The following COL14A1 variants were observed in gnomAD, a reference collection of about 807,000 sequenced individuals.
COL14A1 encodes the protein collagen alpha-1(XIV) chain.
A neutral mutation model predicts 230.3 loss-of-function variants in COL14A1; 136 were observed. That is an observed-to-expected ratio of 0.59 (90% CI 0.51 to 0.68). COL14A1 has a LOEUF of 0.68. Ranked by LOEUF, COL14A1 falls within the 30% of genes least tolerant of loss-of-function variation. The probability of loss-of-function intolerance (pLI) is 0.00; values close to 1 mark genes in which losing one functional copy is unlikely to be tolerated. For missense variants in COL14A1, 1,976 were observed against 2,215.8 expected, an observed-to-expected ratio of 0.89 and a Z score of 2.17; for synonymous variants, 792 against 784.1, an observed-to-expected ratio of 1.01 and a Z score of -0.17.
rs1349120832 is a variant in COL14A1, at chr8:120,247,971, A to T, written c.2602+236A>T. ...TAAAAAACTACTGGGCACATCAATT[A>T]GAAGACTATATATTGGGTATATACA... is the stretch of plus-strand genomic sequence containing the variant. On this transcript the variant is annotated intron_variant, in intron 21 of 47. Coordinates refer to ENST00000297848, the MANE Select transcript of COL14A1 (RefSeq NM_021110.4). Among the ~76,000 whole-genome samples the T allele has an allele frequency of 2.0e-5, 3 of 152,188 alleles. No homozygotes were observed. The East Asian group carries it at 5.8e-4, about 29-fold the overall frequency.
intron 2 of COL14A1, among the ~76,000 whole-genome samples, chr8:120,151,694 T>TG (rs1815291266): frequency 6.7e-6 from 1 of 149,856 alleles, no homozygotes; most frequent in Admixed American, 6.7e-5. Context: ...ATAATGTACC[T>TG]GCAAAGATAT....
At chr8:120,239,029 G>T (rs1818538577) in intron 19 of COL14A1, among the ~76,000 whole-genome samples, 1 of 152,210 alleles carries the variant, frequency 6.6e-6, no homozygotes, top group Non-Finnish European at 1.5e-5. Flanking sequence ...ACTGGGAGCT[G>T]CAGACCAGAG....
chr8:120,137,082 C>A (rs904669865), intron 1 of COL14A1, among the ~76,000 whole-genome samples: 23 of 151,422 alleles, frequency 1.5e-4, no homozygotes, highest in Admixed American at 5.3e-4. Flanking sequence ...GCTAGTGAAG[C>A]CATCTGGGAC....
At chr8:120,276,931 C>T (rs1819872670) in intron 26 of COL14A1, among the ~76,000 whole-genome samples, 1 of 151,952 alleles carries the variant, frequency 6.6e-6, no homozygotes. Flanking sequence ...CTTTGAATTG[C>T]AGGAGACTTT....
intron 44 of COL14A1, among the ~76,000 whole-genome samples, chr8:120,344,000 A>G (rs567638635): frequency 3.3e-5 from 5 of 152,224 alleles, no homozygotes; most frequent in South Asian, 2.1e-4. Context: ...TATTTAAAGC[A>G]TGCCCTAAAA....
chr8:120,159,515 G>A (rs995633303), intron 3 of COL14A1, among the ~76,000 whole-genome samples: 1 of 151,912 alleles, frequency 6.6e-6, no homozygotes, highest in Admixed American at 6.6e-5. Flanking sequence ...GGAGCTACAA[G>A]CCTTTCAGTG....
chr8:120,160,111 C>T lies in COL14A1; in HGVS notation c.205+1865C>T, dbSNP rs188463836. Among the ~76,000 whole-genome samples, 513 of 152,244 alleles carry T rather than the reference C, an allele frequency of 3.4e-3. 2 individuals are homozygous for T. The highest frequency in any genetic ancestry group is 0.012 in the African/African-American group (487 of 41,552). ...ACAGAAGTGACTTGCTTATGGAAAA[C>T]AATATTTGCAAACCTTGTTCAGAGT... On this transcript the variant is annotated intron_variant, in intron 3 of 47. Coordinates refer to ENST00000297848, the MANE Select transcript of COL14A1 (RefSeq NM_021110.4).
At chr8:120,195,520 C>T (rs1186886714) in intron 5 of COL14A1, among the ~76,000 whole-genome samples, 3 of 152,030 alleles carry the variant, frequency 2.0e-5, no homozygotes, top group South Asian at 2.1e-4. Context: ...TCTGTTCTCA[C>T]GCTGCTAATA....
rs571382177 is a variant in COL14A1, at chr8:120,275,982, A to G, written c.3214-2129A>G. On this transcript the variant is annotated intron_variant, in intron 26 of 47. Transcript: ENST00000297848. The stretch of plus-strand genomic sequence containing the variant: ...GGTTCCAGCAATCCCAGTACTGGCT[A>G]TCTACCCAAAGGAAAAGAAGTCATT... Among the ~76,000 whole-genome samples the G allele has an allele frequency of 1.7e-3, 259 of 152,102 alleles. 2 individuals are homozygous for G. Among genetic ancestry groups the G allele is most frequent in the African/African-American group, 6.0e-3 (251 of 41,520 alleles).
Position 120,342,436 on chromosome 8 carries a change from G to C in COL14A1, c.4878G>C (p.Gln1626His), listed in dbSNP as rs773822543. 1.9e-6 allele frequency: 3 copies of C among 1,613,736 alleles called. No individual in the cohort carries two copies. The highest frequency in any genetic ancestry group is 2.2e-5 in the South Asian group (2 of 91,076). Residue 1626 changes from glutamine to histidine, a missense_variant, in exon 44 of 48, where the codon CAG becomes CAC. Gln to His is a conservative substitution (Grantham distance 24). Around this residue, in one of 3 missense-constraint regions of COL14A1, gnomAD observed 1,791 missense variants for 2,019.5 expected, o/e 0.89. Transcript: ENST00000297848. The stretch of plus-strand genomic sequence containing the variant: ...CAGTGGCGCGTCAAGTATGCGAACA[G>C]CTCATCCAGAGTAAGTATGTAATGG... ...VRSVARQVCE[Q>H]LIQSHMARYT...
chr8:120,151,513 G>A (rs976404660), intron 2 of COL14A1, among the ~76,000 whole-genome samples: 2 of 151,692 alleles, frequency 1.3e-5, no homozygotes, highest in African/African-American at 2.4e-5. Flanking sequence ...GATGGTGCGC[G>A]CCTGTAGTCC....
chr8:120,364,212 A>G (rs1823325783), intron 45 of COL14A1, among the ~76,000 whole-genome samples: 1 of 152,084 alleles, frequency 6.6e-6, no homozygotes, highest in Non-Finnish European at 1.5e-5. Flanking sequence ...ATGGGCCATG[A>G]CTGGGTTTTG....
rs750232244 is a variant in COL14A1, at chr8:120,231,437, T to A, written c.2198-30T>A. 1.0e-5 allele frequency: 16 copies of A among 1,606,252 alleles called. No homozygotes were observed. The East Asian group carries it at 3.3e-4, about 34-fold the overall frequency. On this transcript the variant is annotated intron_variant, in intron 18 of 47. Transcript: ENST00000297848. ...ATTTTGGAATATGATATGTTAAAAGTTTTTTAATCCTTGGTTGTGTTTATT... is the reference window on the plus strand; with the variant it reads ...ATTTTGGAATATGATATGTTAAAAGATTTTTAATCCTTGGTTGTGTTTATT...
intron 22 of COL14A1, among the ~76,000 whole-genome samples, chr8:120,254,182 G>A (rs1260028757): frequency 6.6e-6 from 1 of 152,088 alleles, no homozygotes; most frequent in African/African-American, 2.4e-5. Flanking sequence ...ATGAATGGAA[G>A]TCAGAGGTCA....
chr8:120,167,126 T>G (rs1815925801), intron 4 of COL14A1, among the ~76,000 whole-genome samples: 1 of 152,052 alleles, frequency 6.6e-6, no homozygotes, highest in Non-Finnish European at 1.5e-5. Context: ...GGAAGGTTTC[T>G]AAGAAAAGGA....
At chr8:120,312,058 C>T (rs1479775704) in intron 37 of COL14A1, among the ~76,000 whole-genome samples, 1 of 152,092 alleles carries the variant, frequency 6.6e-6, no homozygotes, top group East Asian at 1.9e-4. Context: ...GATCACACCA[C>T]TGCACTCCAG....
intron 23 of COL14A1, among the ~76,000 whole-genome samples, chr8:120,262,569 T>A (rs1309115091): frequency 6.6e-6 from 1 of 152,178 alleles, no homozygotes; most frequent in African/African-American, 2.4e-5. Context: ...TCAGTTAGGA[T>A]GTGTGCATAT....
chr8:120,230,567 G>A (rs556973238), intron 18 of COL14A1, among the ~76,000 whole-genome samples: 4 of 151,730 alleles, frequency 2.6e-5, no homozygotes, highest in East Asian at 3.9e-4. Context: ...TTGCAATCCC[G>A]AACTCCTTTC....
intron 32 of COL14A1, among the ~76,000 whole-genome samples, chr8:120,285,400 C>T (rs1388667431): frequency 7.5e-6 from 1 of 133,796 alleles, no homozygotes; most frequent in African/African-American, 2.9e-5. Context: ...GGAGGTGGAG[C>T]TTGCAGTGAG....
Sources: allele counts gnomAD v4.1 joint callset (sites outside exome capture counted in the v4.1 genomes callset), GRCh38; gene constraint gnomAD v4.1.1; regional missense constraint gnomAD v4.1.1; transcripts MANE v1.5; gene names NCBI Gene and HGNC (gene_info 2026-07-23, HGNC 2026-07-21).